The following CREB5 variants were observed in gnomAD, a reference collection of about 807,000 sequenced individuals.
The protein encoded by CREB5 is cAMP responsive element binding protein 5.
CREB5 carries 19 observed loss-of-function variants against 57.1 expected under a neutral mutation model. That is an observed-to-expected ratio of 0.33 (90% CI 0.23 to 0.49). The LOEUF is 0.49. Among genes scored for constraint, CREB5 ranks in the 20% least tolerant of loss-of-function variants. The pLI is 0.99. For synonymous variants in CREB5, 238 were observed against 238.3 expected, an observed-to-expected ratio of 1.00 and a Z score of 0.01; for missense variants, 579 against 671.6, an observed-to-expected ratio of 0.86 and a Z score of 1.52.
At chr7:28,407,748 C>T (rs62451109), upstream of CREB5, among the ~76,000 whole-genome samples, 6,633 of 152,264 alleles carry the variant, frequency 0.044, 168 homozygotes, top group Middle Eastern at 0.054. Context: ...CAAGGGGCCA[C>T]TTAAACACTT....
intron 5 of CREB5, among the ~76,000 whole-genome samples, chr7:28,684,004 T>A (rs996726477): frequency 6.6e-6 from 1 of 150,462 alleles, no homozygotes; most frequent in African/African-American, 2.4e-5. Flanking sequence ...GAGGGGAGAT[T>A]TGGGGGGTAG....
intron 1 of CREB5, among the ~76,000 whole-genome samples, chr7:28,452,193 A>G (rs1789853881): frequency 1.3e-5 from 2 of 152,178 alleles, no homozygotes; most frequent in Non-Finnish European, 2.9e-5. Context: ...CTTCATTGTC[A>G]CCAGCCCTAT....
At chr7:28,433,925 T>C (rs577186952) in intron 1 of CREB5, among the ~76,000 whole-genome samples, 2 of 152,036 alleles carry the variant, frequency 1.3e-5, no homozygotes, top group East Asian at 1.9e-4. Flanking sequence ...CTTCTACTTA[T>C]CTCACTTTAC....
chr7:28,608,155 ACT>A (rs1562525019), intron 5 of CREB5, among the ~76,000 whole-genome samples: 11 of 144,574 alleles, frequency 7.6e-5, no homozygotes, highest in Middle Eastern at 3.6e-3. Context: ...ACACACACAC[ACT>A]CTCAAACTTT....
At chr7:28,677,912 G>A (rs1369268490) in intron 5 of CREB5, among the ~76,000 whole-genome samples, 2 of 151,700 alleles carry the variant, frequency 1.3e-5, no homozygotes, top group Admixed American at 6.6e-5. Context: ...AAGAGAGAAA[G>A]AGAGAGAGAA....
chr7:28,694,964 T>G (rs575305670), intron 5 of CREB5, among the ~76,000 whole-genome samples: 1 of 152,308 alleles, frequency 6.6e-6, no homozygotes, highest in South Asian at 2.1e-4. Context: ...CTAACTCTTG[T>G]AATCACAGCA....
intron 5 of CREB5, among the ~76,000 whole-genome samples, chr7:28,623,611 G>A (rs1234753419): frequency 1.3e-5 from 2 of 152,140 alleles, no homozygotes; most frequent in African/African-American, 2.4e-5. Context: ...GATTCTACAG[G>A]GAGTGTTTGT....
At chr7:28,790,914 A>G (rs141472189) in intron 7 of CREB5, among the ~76,000 whole-genome samples, 68 of 152,316 alleles carry the variant, frequency 4.5e-4, no homozygotes, top group African/African-American at 1.5e-3. Flanking sequence ...TGGTTGACAC[A>G]TTTGGTTAAC....
At chr7:28,327,163 A>AG (rs60549716) in intron 1 of CREB5, among the ~76,000 whole-genome samples, 18,612 of 149,550 alleles carry the variant, frequency 0.12, 1,375 homozygotes, top group East Asian at 0.24. Context: ...AAAAAAAAAA[A>AG]AAAAAGGAAA....
intron 4 of CREB5, among the ~76,000 whole-genome samples, chr7:28,559,933 G>A (rs1177455902): frequency 2.0e-5 from 3 of 152,210 alleles, no homozygotes; most frequent in African/African-American, 7.2e-5. Flanking sequence ...CTGAGTAGAA[G>A]ATAACAGGTG....
At chr7:28,394,381 A>G (rs1477712440) in intron 1 of CREB5, among the ~76,000 whole-genome samples, 1 of 152,170 alleles carries the variant, frequency 6.6e-6, no homozygotes, top group Non-Finnish European at 1.5e-5. Flanking sequence ...TAAGCCAAGT[A>G]AAGGACAGGG....
intron 4 of CREB5, among the ~76,000 whole-genome samples, chr7:28,560,933 T>TGCGTGTGTGC (rs1224485964): frequency 8.1e-5 from 4 of 49,378 alleles, no homozygotes; most frequent in African/African-American, 3.3e-4. Flanking sequence ...CGCGTGCGTG[T>TGCGTGTGTGC]GTGCGTGCGT....
chr7:28,410,765 A>T (rs186857955), upstream of CREB5: 1 of 355,306 alleles, frequency 2.8e-6, no homozygotes, highest in East Asian at 7.4e-5. Flanking sequence ...GTCATTCTGC[A>T]GGCCAGTAAG....
intron 1 of CREB5, among the ~76,000 whole-genome samples, chr7:28,319,942 AT>A (rs1009302446): frequency 7.9e-5 from 12 of 152,208 alleles, no homozygotes; most frequent in Middle Eastern, 6.8e-3. Context: ...TTTTAAAAAA[AT>A]TTTTTGAGAC....
At chr7:28,391,257 C>T (rs1787210150) in intron 1 of CREB5, among the ~76,000 whole-genome samples, 2 of 152,254 alleles carry the variant, frequency 1.3e-5, no homozygotes, top group South Asian at 4.1e-4. Flanking sequence ...AATAATCACA[C>T]CTCTCTTAAC....
At chr7:28,381,269 G>A (rs1219146433) in intron 1 of CREB5, among the ~76,000 whole-genome samples, 1 of 152,202 alleles carries the variant, frequency 6.6e-6, no homozygotes, top group Non-Finnish European at 1.5e-5. Context: ...TAACCCCAAG[G>A]AGGGAAGGGA....
intron 4 of CREB5, among the ~76,000 whole-genome samples, chr7:28,510,762 C>T (rs1231464502): frequency 2.0e-5 from 3 of 152,188 alleles, no homozygotes; most frequent in Non-Finnish European, 2.9e-5. Context: ...TAATACTATA[C>T]ATAGCAGACA....
At chr7:28,342,455 GA>G (rs1252822084) in intron 1 of CREB5, among the ~76,000 whole-genome samples, 1 of 152,054 alleles carries the variant, frequency 6.6e-6, no homozygotes, top group Non-Finnish European at 1.5e-5. Flanking sequence ...GAATACTCAA[GA>G]AAAAAGGAGA....
chr7:28,665,032 T>C (rs1351038354), intron 5 of CREB5, among the ~76,000 whole-genome samples: 1 of 152,164 alleles, frequency 6.6e-6, no homozygotes, highest in Non-Finnish European at 1.5e-5. Flanking sequence ...GTGAGCCAAG[T>C]GGTTATCATG....
Sources: allele counts gnomAD v4.1 joint callset (sites outside exome capture counted in the v4.1 genomes callset), GRCh38; gene constraint gnomAD v4.1.1; transcripts MANE v1.5; gene names NCBI Gene and HGNC (gene_info 2026-07-23, HGNC 2026-07-21).